Variants in DNAH10 observed in about 807,000 individuals in gnomAD.
DNAH10 encodes the protein dynein axonemal heavy chain 10, also known as axonemal beta dynein heavy chain 10.
DNAH10 carries 348 observed loss-of-function variants against 506.6 expected under a neutral mutation model. That is an observed-to-expected ratio of 0.69 (90% CI 0.63 to 0.75). The LOEUF (loss-of-function observed/expected upper bound fraction) is 0.75. Among genes scored for constraint, DNAH10 ranks in the 30% least tolerant of loss-of-function variants. The probability of loss-of-function intolerance (pLI) is 0.00; values close to 1 mark genes in which losing one functional copy is unlikely to be tolerated. For missense variants in DNAH10, 5,179 were observed against 5,787.1 expected (o/e 0.89, Z 3.41); for synonymous variants, 2,059 against 2,198.6 (o/e 0.94, Z 1.78).
chr12:123,912,653 C>G (rs1012453707), intron 59 of DNAH10, among the ~76,000 whole-genome samples: 13 of 152,144 alleles, frequency 8.5e-5, no homozygotes, highest in Admixed American at 7.2e-4. Context: ...TTGAGAGCAG[C>G]GGGGCCAAAG....
At chr12:123,765,201 G>A (rs1956975617) in intron 1 of DNAH10, among the ~76,000 whole-genome samples, 2 of 151,866 alleles carry the variant, frequency 1.3e-5, no homozygotes, top group African/African-American at 2.4e-5. Context: ...GTGTCCTTCC[G>A]GGCAGCAGAT....
At position 123,917,838 on chromosome 12, in the gene DNAH10, G is replaced by A. The variant is rs763147000; in HGVS notation, c.11232+25G>A. ...GGTAGCAACCACAGTGGAAGAGGCC[G>A]TGAGTCAGGCGGGGCCTGCATGCGC... On this transcript the variant is annotated intron_variant, in intron 64 of 78. Coordinates refer to ENST00000673944, the MANE Select transcript of DNAH10 (RefSeq NM_001372106.1). The surrounding 1 kb of genome is among the most constrained non-coding windows in gnomAD (Gnocchi z 5.6). 2.3e-5 allele frequency: 36 copies of A among 1,552,542 alleles called. No homozygotes were observed. Among genetic ancestry groups the A allele is most frequent in the Non-Finnish European group, 3.0e-5 (34 of 1,147,048 alleles).
In DNAH10 at chr12:123,767,653, T is replaced by C; in HGVS notation, c.262T>C (p.Tyr88His). ...AGAGGGAGAAGAGGAAGAAGAGACTTATTCTCAAAAAGTGGAGTCCGTGGA... is the reference window on the plus strand; with the variant it reads ...AGAGGGAGAAGAGGAAGAAGAGACTCATTCTCAAAAAGTGGAGTCCGTGGA... Reference protein sequence around the residue: ...SEEGEEEEETYSQKVESVDKV... With the variant: ...SEEGEEEEETHSQKVESVDKV... The change falls in exon 2 of 79, where the codon TAT becomes CAT. Residue 88 changes from tyrosine (Y) to histidine (H), a missense_variant. Physicochemically the swap from Tyr to His is moderately conservative, Grantham distance 83. Transcript: ENST00000673944. 1.2e-6 allele frequency: 2 copies of C among 1,612,848 alleles called. No individual in the cohort carries two copies. The highest frequency in any genetic ancestry group is 1.7e-6 in the Non-Finnish European group (2 of 1,179,418).
intron 43 of DNAH10, among the ~76,000 whole-genome samples, chr12:123,869,233 C>T (rs1951930210): frequency 6.6e-6 from 1 of 152,194 alleles, no homozygotes; most frequent in South Asian, 2.1e-4. Context: ...TGTGTCGCCC[C>T]AGTGTCTGCT....
At chr12:123,867,856 T>C in intron 42 of DNAH10, 47 bp from the exon 43 acceptor site, 2 of 1,564,318 alleles carry the variant, frequency 1.3e-6, no homozygotes, top group Non-Finnish European at 1.7e-6. Flanking sequence ...ATGGACTCTG[T>C]GGGGGTGGAC....
At chr12:123,899,783 A>G (rs1028910977) in intron 56 of DNAH10, among the ~76,000 whole-genome samples, 2 of 152,204 alleles carry the variant, frequency 1.3e-5, no homozygotes, top group Non-Finnish European at 2.9e-5. Flanking sequence ...AGGCGCCTCT[A>G]GTTTATGTGT....
chr12:123,796,692 GA>G lies in DNAH10; in HGVS notation c.2027del (p.Asn676IlefsTer11). 1 of 1,612,134 alleles carries G rather than the reference GA, an allele frequency of 6.2e-7. No individual in the cohort carries two copies. Among genetic ancestry groups the G allele is most frequent in the Non-Finnish European group, 8.5e-7 (1 of 1,179,446 alleles). ...TAATAAAATCTTTGTCCAGAACCTT[GA>G]AAATCCACCACTGTATAAGAATCAC... is the stretch of plus-strand genomic sequence containing the variant. ...IINKIFVQNL[E>X]NPPLYKNHPP... is the part of the protein sequence containing the mutation. On this transcript the variant is annotated frameshift_variant, in exon 13 of 79. Transcript: ENST00000673944. LOFTEE classifies it high-confidence loss of function.
intron 57 of DNAH10, among the ~76,000 whole-genome samples, chr12:123,905,750 CA>C (rs1348451717): frequency 1.3e-5 from 2 of 151,778 alleles, no homozygotes; most frequent in African/African-American, 2.4e-5. Flanking sequence ...AAACCATTTC[CA>C]GGGGCTTTTT....
At position 123,838,523 on chromosome 12, in the gene DNAH10, A is replaced by G; in HGVS notation, c.4970A>G (p.Asp1657Gly). 6.2e-7 allele frequency: 1 copy of G among 1,614,018 alleles called. No homozygotes were observed. ...TGTGAAGCCCCAAACCGCCTCAGTGACCTACAGAACGTCAGCGAGGGCCTG... is the reference window on the plus strand; with the variant it reads ...TGTGAAGCCCCAAACCGCCTCAGTGGCCTACAGAACGTCAGCGAGGGCCTG... ...RCCEAPNRLS[D>G]LQNVSEGLEK... is the part of the protein sequence containing the mutation. The change falls in exon 29 of 79, where the codon GAC becomes GGC. Residue 1657 changes from aspartate (D) to glycine (G), a missense_variant. Asp to Gly is a moderately conservative substitution (Grantham distance 94). This residue lies in a region of DNAH10 where 4,844 missense variants were observed against 5,430.5 expected (regional missense o/e 0.89). Transcript: ENST00000673944.
chr12:123,867,857 G>T (rs754419612), intron 42 of DNAH10, 46 bp from the exon 43 acceptor site: 15 of 1,566,662 alleles, frequency 9.6e-6, no homozygotes, highest in Non-Finnish European at 1.2e-5. Flanking sequence ...TGGACTCTGT[G>T]GGGGTGGACT....
chr12:123,816,887 C>T (rs536301761), intron 21 of DNAH10, among the ~76,000 whole-genome samples: 2 of 152,206 alleles, frequency 1.3e-5, no homozygotes, highest in Non-Finnish European at 2.9e-5. Flanking sequence ...GATGGTACCC[C>T]TTTACATCCA....
intron 56 of DNAH10, among the ~76,000 whole-genome samples, chr12:123,901,832 T>C (rs1367898548): frequency 6.6e-6 from 1 of 152,128 alleles, no homozygotes; most frequent in East Asian, 1.9e-4. Flanking sequence ...AGCTAATTTT[T>C]GTATTTTTAG....
Position 123,853,216 on chromosome 12 carries a change from A to G in DNAH10, c.6302A>G (p.Lys2101Arg). 1 of 1,600,576 alleles carries G rather than the reference A, an allele frequency of 6.2e-7. No homozygotes were observed. The change falls in exon 36 of 79, where the codon AAA becomes AGA. Residue 2101 changes from lysine (K) to arginine (R), a missense_variant. Coordinates refer to ENST00000673944, the MANE Select transcript of DNAH10 (RefSeq NM_001372106.1). The surrounding 1 kb of genome is among the most constrained non-coding windows in gnomAD (Gnocchi z 4.7). ...EGFLEAKTLA[K>R]KMTVLYKLAR... ...TCTTCTATCAAAAAGACTCTGGCGA[A>G]AAAGATGACGGTTCTGTATAAGCTG...
intron 23 of DNAH10, 21 bp from the exon 24 acceptor site, chr12:123,820,559 A>T (rs770767276): frequency 3.1e-6 from 5 of 1,607,810 alleles, no homozygotes; most frequent in Non-Finnish European, 4.3e-6. Flanking sequence ...TTATTCACTC[A>T]TCGGTGTATT....
chr12:123,768,269 C>T (rs1042327482), intron 2 of DNAH10, among the ~76,000 whole-genome samples: 10 of 151,956 alleles, frequency 6.6e-5, no homozygotes, highest in African/African-American at 2.2e-4. Flanking sequence ...CAAGTAGCTG[C>T]GATCTCAGGC....
chr12:123,930,668 G>A, intron 73 of DNAH10, 95 bp downstream of exon 73: 2 of 1,441,844 alleles, frequency 1.4e-6, no homozygotes, highest in Admixed American at 2.4e-5. Context: ...GGGCTCCTCG[G>A]CTGGTCAGGT....
At chr12:123,892,435 C>T (rs1953027266) in intron 52 of DNAH10, among the ~76,000 whole-genome samples, 1 of 152,174 alleles carries the variant, frequency 6.6e-6, no homozygotes. Flanking sequence ...GAGAGATCTG[C>T]CCCCATCATC....
In DNAH10 at chr12:123,877,927, A is replaced by T. The variant is rs752496415; in HGVS notation, c.8372+19A>T. On this transcript the variant is annotated intron_variant, in intron 48 of 78. Coordinates refer to ENST00000673944, the MANE Select transcript of DNAH10 (RefSeq NM_001372106.1). ...CGGAGCGGTGAGTTTGATTTATCTT[A>T]CTAAAATATGCCCCACAGGTATGAT... 1 of 1,611,260 alleles carries T rather than the reference A, an allele frequency of 6.2e-7. No individual in the cohort carries two copies. The highest frequency in any genetic ancestry group is 8.5e-7 in the Non-Finnish European group (1 of 1,178,700).
intron 12 of DNAH10, among the ~76,000 whole-genome samples, chr12:123,795,073 G>T (rs1298366879): frequency 6.7e-6 from 1 of 150,012 alleles, no homozygotes; most frequent in Non-Finnish European, 1.5e-5. Context: ...GCTTGAACCC[G>T]GGAAGTGGAG....
Sources: allele counts gnomAD v4.1 joint callset (sites outside exome capture counted in the v4.1 genomes callset), GRCh38; gene constraint gnomAD v4.1.1; regional missense constraint gnomAD v4.1.1; non-coding constraint Gnocchi (gnomAD v3.1); transcripts MANE v1.5; gene names NCBI Gene and HGNC (gene_info 2026-07-23, HGNC 2026-07-21).